The following ZNF827 variants were observed in gnomAD, a reference collection of about 807,000 sequenced individuals.
ZNF827 encodes zinc finger protein 827.
ZNF827 carries 13 observed loss-of-function variants against 102.4 expected under a neutral mutation model. That is an observed-to-expected ratio of 0.13 (90% CI 0.08 to 0.20). The LOEUF (loss-of-function observed/expected upper bound fraction) is 0.20. Among genes scored for constraint, ZNF827 ranks in the 10% least tolerant of loss-of-function variants. ZNF827 has a pLI of 1.00. For missense variants in ZNF827, 1,103 were observed against 1,344.4 expected, an observed-to-expected ratio of 0.82 and a Z score of 2.81; for synonymous variants, 523 against 536.2, an observed-to-expected ratio of 0.98 and a Z score of 0.34.
Position 145,938,352 on chromosome 4 carries a change from A to G in ZNF827, c.43+13T>C. On this transcript the variant is annotated intron_variant, in intron 1 of 14. Transcript: ENST00000508784. ...AAAATGGCACGAGAGGAGGTGGAGA[A>G]GGGATGACTTACGTGAGGGAAGGCG... 5.0e-6 allele frequency: 8 copies of G among 1,613,700 alleles called. No homozygotes were observed. Among genetic ancestry groups the G allele is most frequent in the Non-Finnish European group, 6.8e-6 (8 of 1,179,974 alleles).
chr4:145,931,091 C>G (rs1016018213), intron 1 of ZNF827, among the ~76,000 whole-genome samples: 1 of 152,140 alleles, frequency 6.6e-6, no homozygotes, highest in Non-Finnish European at 1.5e-5. Flanking sequence ...AAATAACTTA[C>G]AGAGAGAGGA....
intron 5 of ZNF827, among the ~76,000 whole-genome samples, chr4:145,859,476 G>T (rs1747498755): frequency 6.6e-6 from 1 of 152,084 alleles, no homozygotes; most frequent in Non-Finnish European, 1.5e-5. Flanking sequence ...ATGCCTGTGG[G>T]AGTCGTTGGA....
Position 145,774,636 on chromosome 4 carries a change from G to C in ZNF827, c.2730C>G (p.Val910=). 6.2e-7 allele frequency: 1 copy of C among 1,613,892 alleles called. No individual in the cohort carries two copies. The highest frequency in any genetic ancestry group is 8.5e-7 in the Non-Finnish European group (1 of 1,179,970). The change falls in exon 11 of 15, where the codon GTC becomes GTG. Residue 910 remains valine, a synonymous_variant. Transcript: ENST00000508784. ...GGAGTGACATGTGGCTGACAAACTG[G>C]ACATTGAGCTCGGTCTCAAATCCAC... ...HVCGFETELN[V]QFVSHMSLHV... is the part of the protein sequence containing the mutation.
chr4:145,789,641 A>T (rs1739391649), intron 8 of ZNF827, among the ~76,000 whole-genome samples: 1 of 152,170 alleles, frequency 6.6e-6, no homozygotes, highest in African/African-American at 2.4e-5. Context: ...CCTTTCCCAA[A>T]CCCGAATCTG....
intron 5 of ZNF827, among the ~76,000 whole-genome samples, chr4:145,855,940 C>T (rs552628284): frequency 2.0e-5 from 3 of 152,180 alleles, no homozygotes; most frequent in Admixed American, 1.3e-4. Context: ...TTTTACCCTA[C>T]ACTGTGTCTC....
At chr4:145,851,509 T>C (rs535564749) in intron 5 of ZNF827, among the ~76,000 whole-genome samples, 6 of 152,144 alleles carry the variant, frequency 3.9e-5, no homozygotes, top group Non-Finnish European at 8.8e-5. Flanking sequence ...TGACCGGTAG[T>C]TAAAAAAAAG....
At chr4:145,807,978 A>C (rs1741643561) in intron 8 of ZNF827, among the ~76,000 whole-genome samples, 1 of 152,112 alleles carries the variant, frequency 6.6e-6, no homozygotes. Context: ...AAACAATTTG[A>C]CCAAAAATTG....
intron 8 of ZNF827, among the ~76,000 whole-genome samples, chr4:145,793,489 G>A (rs1740040720): frequency 2.0e-5 from 3 of 151,186 alleles, no homozygotes. Flanking sequence ...CATCCAGCAT[G>A]GGAGAAAGAT....
chr4:145,866,937 G>A (rs887281897), intron 5 of ZNF827, among the ~76,000 whole-genome samples: 9 of 152,176 alleles, frequency 5.9e-5, no homozygotes, highest in Non-Finnish European at 1.0e-4. Flanking sequence ...AGTTTGCAAG[G>A]TGACCAGACA....
At chr4:145,928,687 G>C (rs574391132) in intron 1 of ZNF827, among the ~76,000 whole-genome samples, 2 of 152,262 alleles carry the variant, frequency 1.3e-5, no homozygotes, top group Admixed American at 1.3e-4. Context: ...GCTAGGATAG[G>C]GATTACTATA....
chr4:145,804,329 G>A (rs1164902847), intron 8 of ZNF827, among the ~76,000 whole-genome samples: 1 of 152,112 alleles, frequency 6.6e-6, no homozygotes, highest in Non-Finnish European at 1.5e-5. Flanking sequence ...AGCAAGGAGT[G>A]GACTGCCTAT....
At chr4:145,806,662 A>T (rs1741487499) in intron 8 of ZNF827, among the ~76,000 whole-genome samples, 2 of 151,960 alleles carry the variant, frequency 1.3e-5, no homozygotes, top group African/African-American at 4.8e-5. Flanking sequence ...AGCCACTGAT[A>T]TCCTTTTTCT....
chr4:145,893,441 A>G (rs1188247461), intron 2 of ZNF827, among the ~76,000 whole-genome samples: 1 of 152,246 alleles, frequency 6.6e-6, no homozygotes, highest in Non-Finnish European at 1.5e-5. Context: ...AAATATAAAA[A>G]GCACTTTTAA....
At chr4:145,797,266 C>T (rs1020669652) in intron 8 of ZNF827, among the ~76,000 whole-genome samples, 2 of 152,142 alleles carry the variant, frequency 1.3e-5, no homozygotes, top group East Asian at 1.9e-4. Context: ...AACTTGGGTT[C>T]CTCTGTGTAG....
chr4:145,834,808 C>T (rs1248974316), intron 7 of ZNF827, among the ~76,000 whole-genome samples: 1 of 152,066 alleles, frequency 6.6e-6, no homozygotes, highest in Non-Finnish European at 1.5e-5. Context: ...TTAAATAAAA[C>T]TCCAAAAATT....
At chr4:145,823,334 A>C in intron 8 of ZNF827, 88 bp downstream of exon 8, 1 of 1,110,208 alleles carries the variant, frequency 9.0e-7, no homozygotes, top group Non-Finnish European at 1.4e-6. Context: ...TACATCCGTA[A>C]GCTGAAAGTA....
At chr4:145,780,602 T>C (rs1181997963) in intron 8 of ZNF827, among the ~76,000 whole-genome samples, 1 of 152,226 alleles carries the variant, frequency 6.6e-6, no homozygotes, top group African/African-American at 2.4e-5. Context: ...AATCCATGTT[T>C]CTTTTTGTGG....
intron 8 of ZNF827, among the ~76,000 whole-genome samples, chr4:145,786,902 T>C (rs1401708385): frequency 6.6e-6 from 1 of 152,220 alleles, no homozygotes; most frequent in Middle Eastern, 3.2e-3. Context: ...TACCTTGCAG[T>C]GTCACAGCTG....
intron 8 of ZNF827, among the ~76,000 whole-genome samples, chr4:145,800,994 G>A (rs562461616): frequency 6.6e-6 from 1 of 152,338 alleles, no homozygotes; most frequent in Admixed American, 6.5e-5. Flanking sequence ...CAAGGGCAAA[G>A]AGCATGAGCT....
Sources: allele counts gnomAD v4.1 joint callset (sites outside exome capture counted in the v4.1 genomes callset), GRCh38; gene constraint gnomAD v4.1.1; transcripts MANE v1.5; gene names NCBI Gene and HGNC (gene_info 2026-07-23, HGNC 2026-07-21).